ZNF541: variants seen among roughly 807,000 people sequenced by gnomAD.
The protein encoded by ZNF541 is zinc finger protein 541.
A neutral mutation model predicts 123.5 loss-of-function variants in ZNF541; 23 were observed. The observed-to-expected ratio is 0.19, with a 90% confidence interval of 0.13 to 0.26. ZNF541 has a LOEUF of 0.26. Among genes scored for constraint, ZNF541 ranks in the 10% least tolerant of loss-of-function variants. The pLI, the probability that ZNF541 is intolerant of heterozygous loss-of-function variation, is 1.00. For missense variants in ZNF541, 1,612 were observed against 1,789.9 expected (o/e 0.90, Z 1.79); for synonymous variants, 751 against 754.5 (o/e 1.00, Z 0.08).
At position 47,544,247 on chromosome 19, in the gene ZNF541, T is replaced by C; in HGVS notation, c.2282A>G (p.Lys761Arg). The C allele has an allele frequency of 6.4e-7, 1 of 1,551,634 alleles. No homozygotes were observed. The highest frequency in any genetic ancestry group is 8.7e-7 in the Non-Finnish European group (1 of 1,147,010). ...CGCACAGCACATATCCATCTTCGCCTTCTCTTTCCGGAAGCCGGAGAATCG... is the reference window on the plus strand; with the variant it reads ...CGCACAGCACATATCCATCTTCGCCCTCTCTTTCCGGAAGCCGGAGAATCG... ...APRFSGFRKEKAKMDMCCAAS... is the reference protein window; with the variant it reads ...APRFSGFRKERAKMDMCCAAS... The change falls in exon 5 of 17, where the codon AAG becomes AGG. Residue 761 changes from lysine to arginine, a missense_variant. By Grantham distance (26) the Lys-to-Arg change is conservative (BLOSUM62 2). Around this residue, in one of 5 missense-constraint regions of ZNF541, gnomAD observed 1,080 missense variants for 1,013.8 expected, o/e 1.07. Coordinates refer to ENST00000391901, the MANE Select transcript of ZNF541 (RefSeq NM_001277075.3).
chr19:47,566,275 G>C (rs1447322285), intron 2 of ZNF541, among the ~76,000 whole-genome samples: 1 of 152,036 alleles, frequency 6.6e-6, no homozygotes, highest in Non-Finnish European at 1.5e-5. Flanking sequence ...CGACCTTTTG[G>C]GAAGGTAACC....
intron 2 of ZNF541, among the ~76,000 whole-genome samples, chr19:47,558,535 T>A (rs1183407985): frequency 6.6e-6 from 1 of 151,666 alleles, no homozygotes; most frequent in Non-Finnish European, 1.5e-5. Flanking sequence ...GATAACAGAT[T>A]AAAATGGGCA....
intron 3 of ZNF541, among the ~76,000 whole-genome samples, 177 bp downstream of exon 3, chr19:47,555,369 CAAAA>C (rs367574327): frequency 3.2e-5 from 2 of 63,262 alleles, no homozygotes. Context: ...GACTCCATCT[CAAAA>C]AAAAAAAAAA....
chr19:47,558,793 A>G (rs1055727174), intron 2 of ZNF541, among the ~76,000 whole-genome samples: 3 of 149,268 alleles, frequency 2.0e-5, no homozygotes, highest in Admixed American at 6.7e-5. Flanking sequence ...TGCCCAGGCT[A>G]GAGTGCAGTG....
rs1036168651 is a variant in ZNF541, at chr19:47,531,626, C to T, written c.3405+16G>A. 1.3e-6 allele frequency: 2 copies of T among 1,522,924 alleles called. No homozygotes were observed. The highest frequency in any genetic ancestry group is 1.4e-5 in the African/African-American group (1 of 72,352). The allele number at this position is 1,522,924 out of a possible 1,614,324, so 94.3% of individuals were successfully genotyped here. A position where few individuals can be genotyped will look rare whatever the true frequency, so the allele number is the denominator to read the frequency against. On this transcript the variant is annotated intron_variant, in intron 12 of 16. Transcript: ENST00000391901. ...GGCCCCAGGAAAGCAGGGAGGGTCC[C>T]CTTGCTGTTCCTCACCTGAACGTTG... is the stretch of plus-strand genomic sequence containing the variant.
Position 47,540,879 on chromosome 19 carries a change from G to A in ZNF541, c.2462+14C>T. ...TGCCAGGGTGCATGCAGGATCGGGG[G>A]CTTCTTAACTTACCCTCTGCCTGCC... On this transcript the variant is annotated intron_variant, in intron 6 of 16. Coordinates refer to ENST00000391901, the MANE Select transcript of ZNF541 (RefSeq NM_001277075.3). 1 of 1,550,940 alleles carries A rather than the reference G, an allele frequency of 6.4e-7. No homozygotes were observed. The highest frequency in any genetic ancestry group is 8.7e-7 in the Non-Finnish European group (1 of 1,146,708).
intron 12 of ZNF541, 77 bp downstream of exon 12, chr19:47,531,560 ACCCCC>A: frequency 8.9e-7 from 1 of 1,121,186 alleles, no homozygotes; most frequent in Non-Finnish European, 1.2e-6. Flanking sequence ...TCCGCTCTGA[ACCCCC>A]AAGCAGACAG....
chr19:47,539,698 C>A lies in ZNF541; in HGVS notation c.2796+7G>T. On this transcript the variant is annotated splice_region_variant and intron_variant, in intron 8 of 16. Coordinates refer to ENST00000391901, the MANE Select transcript of ZNF541 (RefSeq NM_001277075.3). ...GGCAGGAAGGAGGCAGGCCGACAAG[C>A]ACCCACCATGGCCATGCTCCCTATG... 1 of 1,393,726 alleles carries A rather than the reference C, an allele frequency of 7.2e-7. No homozygotes were observed. Among genetic ancestry groups the A allele is most frequent in the South Asian group, 1.7e-5 (1 of 57,960 alleles). 86.3% of individuals were successfully genotyped at this position (1,393,726 alleles called of 1,614,324 possible).
chr19:47,531,629 TG>T lies in ZNF541; in HGVS notation c.3405+12del. On this transcript the variant is annotated intron_variant, in intron 12 of 16. Coordinates refer to ENST00000391901, the MANE Select transcript of ZNF541 (RefSeq NM_001277075.3). The stretch of plus-strand genomic sequence containing the variant: ...CCCAGGAAAGCAGGGAGGGTCCCCT[TG>T]CTGTTCCTCACCTGAACGTTGCCCT... 5 of 1,525,406 alleles carry T rather than the reference TG, an allele frequency of 3.3e-6. No individual in the cohort carries two copies. The highest frequency in any genetic ancestry group is 4.4e-6 in the Non-Finnish European group (5 of 1,127,904). 94.5% of individuals were successfully genotyped at this position (1,525,406 alleles called of 1,614,324 possible). A position where few individuals can be genotyped will look rare whatever the true frequency, so the allele number is the denominator to read the frequency against.
rs1267679554 is a variant in ZNF541 at position 47,555,608 on chromosome 19, A to T, written c.249T>A (p.Ser83Arg). ...ACTCCTCCAGCAGCTTCACAGAATC[A>T]CTGTCCTTCCCGGAGTACAGGGACA... ...DTLSLYSGKD[S>R]DSVKLLEEYA... The change falls in exon 3 of 17, where the codon AGT (serine) becomes AGA (arginine). Residue 83 changes from serine (S) to arginine (R), a missense_variant. By Grantham distance (110) the Ser-to-Arg change is moderately radical. Coordinates refer to ENST00000391901, the MANE Select transcript of ZNF541 (RefSeq NM_001277075.3). 3.9e-6 allele frequency: 6 copies of T among 1,551,500 alleles called. No homozygotes were observed. The highest frequency in any genetic ancestry group is 5.2e-6 in the Non-Finnish European group (6 of 1,146,900).
intron 2 of ZNF541, among the ~76,000 whole-genome samples, chr19:47,557,658 A>G (rs1431528419): frequency 1.3e-5 from 2 of 152,144 alleles, no homozygotes; most frequent in South Asian, 2.1e-4. Flanking sequence ...TGGGCAAGAC[A>G]GCAAGACTGG....
chr19:47,549,357 C>T lies in ZNF541; in HGVS notation c.436G>A (p.Gly146Arg), dbSNP rs148071479. 1.4e-4 allele frequency: 212 copies of T among 1,551,706 alleles called. 1 individual carries two copies. In the East Asian group the frequency reaches 4.7e-3, roughly 35 times the overall value. Reference sequence around the variant, plus strand: ...GAACTGGCGCTGCTGAACACCTTCCCGCACAGGCTGCAGTCCAGAAGTGGG... The same window carrying T: ...GAACTGGCGCTGCTGAACACCTTCCTGCACAGGCTGCAGTCCAGAAGTGGG... ...QNPLLDCSLC[G>R]KVFSSASSLS... The change falls in exon 4 of 17, where the codon GGG becomes AGG. Residue 146 changes from glycine to arginine, a missense_variant. Coordinates refer to ENST00000391901, the MANE Select transcript of ZNF541 (RefSeq NM_001277075.3).
At chr19:47,564,636 G>A (rs754302764) in intron 2 of ZNF541, among the ~76,000 whole-genome samples, 20 of 152,246 alleles carry the variant, frequency 1.3e-4, no homozygotes, top group Admixed American at 2.0e-4. Flanking sequence ...AAGAATGGCC[G>A]TAATCAAAAA....
rs1209832806 is a variant in ZNF541 at position 47,531,531 on chromosome 19, G to A, written c.3405+111C>T. 3.7e-5 allele frequency: 28 copies of A among 754,932 alleles called. No homozygotes were observed. In the East Asian group the frequency reaches 6.0e-4, roughly 16 times the overall value. 46.8% of individuals were successfully genotyped at this position (754,932 alleles called of 1,614,324 possible). The stretch of plus-strand genomic sequence containing the variant: ...AAAGCCGCTGTGGAGGAGGATGGGC[G>A]GCCTTCTTCCAGCTTCCATCCGCTC... On this transcript the variant is annotated intron_variant, in intron 12 of 16. Transcript: ENST00000391901.
At chr19:47,573,308 C>G (rs1599756915), upstream of ZNF541, among the ~76,000 whole-genome samples, 1 of 152,094 alleles carries the variant, frequency 6.6e-6, no homozygotes, top group South Asian at 2.1e-4. Context: ...GGCTGCTTCT[C>G]CGAGGGGCGG....
intron 2 of ZNF541, among the ~76,000 whole-genome samples, chr19:47,558,900 G>A (rs554282105): frequency 6.6e-5 from 10 of 151,792 alleles, no homozygotes; most frequent in Admixed American, 2.6e-4. Flanking sequence ...GCCCGCCCCC[G>A]CGCCCGGCTA....
chr19:47,532,679 T>G (rs545786342), intron 10 of ZNF541, among the ~76,000 whole-genome samples: 1 of 152,262 alleles, frequency 6.6e-6, no homozygotes, highest in African/African-American at 2.4e-5. Context: ...CACATATATA[T>G]TTCTAGAAGG....
At position 47,544,746 on chromosome 19, in the gene ZNF541, C is replaced by T. The variant is rs879355467; in HGVS notation, c.1783G>A (p.Gly595Arg). ...GKPAALRPLQ[G>R]PWPQQPPPLA... ...GGTGGGGGCTGCTGCGGCCACGGCC[C>T]CTGCAGCGGCCTCAGGGCGGCTGGT... Residue 595 changes from glycine to arginine, a missense_variant, in exon 5 of 17, where the codon GGG becomes AGG. This residue lies in a region of ZNF541 where 1,080 missense variants were observed against 1,013.8 expected (regional missense o/e 1.07). Transcript: ENST00000391901. The T allele has an allele frequency of 2.0e-5, 30 of 1,500,062 alleles. No homozygotes were observed. In the Admixed American group the frequency reaches 5.7e-4, roughly 29 times the overall value. The allele number at this position is 1,500,062 out of a possible 1,614,324, so 92.9% of individuals were successfully genotyped here. A position where few individuals can be genotyped will look rare whatever the true frequency, so the allele number is the denominator to read the frequency against.
intron 5 of ZNF541, among the ~76,000 whole-genome samples, chr19:47,541,313 G>T (rs1407594037): frequency 1.3e-5 from 2 of 152,156 alleles, no homozygotes; most frequent in Non-Finnish European, 2.9e-5. Flanking sequence ...AGCGACTCAG[G>T]AGGCTGAGGT....
Sources: gnomAD v4.1 joint callset for allele counts (sites outside exome capture counted in the v4.1 genomes callset) on GRCh38, gnomAD v4.1.1 for gene constraint, gnomAD v4.1.1 regional missense constraint, MANE v1.5 for transcripts, NCBI Gene and HGNC (gene_info 2026-07-23, HGNC 2026-07-21) for gene names.